TCF7L2: variants seen among roughly 807,000 people sequenced by gnomAD.
TCF7L2 encodes transcription factor 7 like 2.
A neutral mutation model predicts 77.9 loss-of-function variants in TCF7L2; 23 were observed. The observed-to-expected ratio is 0.30, with a 90% CI of 0.21 to 0.42. The LOEUF is 0.42. TCF7L2 is among the 10% of genes least tolerant of loss of function. The probability of loss-of-function intolerance (pLI) is 1.00; values close to 1 mark genes in which losing one functional copy is unlikely to be tolerated. For synonymous variants in TCF7L2, 413 were observed against 340.2 expected (o/e 1.21, Z -2.36); for missense variants, 654 against 793.1 (o/e 0.82, Z 2.11).
chr10:113,081,694 T>C (rs949944308), intron 5 of TCF7L2, among the ~76,000 whole-genome samples: 3 of 152,192 alleles, frequency 2.0e-5, no homozygotes, highest in South Asian at 2.1e-4. Flanking sequence ...TGAGGTCACA[T>C]TGAACCTCAT....
At chr10:113,164,453 C>T (rs543784402) in intron 13 of TCF7L2, among the ~76,000 whole-genome samples, 51 of 152,258 alleles carry the variant, frequency 3.3e-4, no homozygotes, top group African/African-American at 1.0e-3. Flanking sequence ...GTAGTCACTT[C>T]GGTGACCGGC....
rs367884505 is a variant in TCF7L2, at chr10:113,146,038, G to C, written c.816G>C (p.Thr272=). ...AAGGTCAACCAGTGTACCCAATCAC[G>C]ACAGGAGGATTCAGACACCCCTACC... Residue 272 remains threonine (T), a synonymous_variant, in exon 8 of 14, where the codon ACG becomes ACC. Coordinates refer to ENST00000627217, the MANE Select transcript of TCF7L2 (RefSeq NM_001146274.2). The C allele has an allele frequency of 1.9e-5, 28 of 1,456,834 alleles. No homozygotes were observed. In the East Asian group the frequency reaches 7.4e-4, roughly 39 times the overall value. 90.2% of individuals were successfully genotyped at this position (1,456,834 alleles called of 1,614,324 possible).
At position 113,166,243 on chromosome 10, in the gene TCF7L2, A is replaced by T. The variant is rs563095246; in HGVS notation, c.*271A>T. ...TTTAAAGTCTTTGTAGCGTTTAAAA[A>T]ATATATATATATACATAACTGTTAT... On this transcript the variant is annotated 3_prime_UTR_variant, in exon 14 of 14. Coordinates refer to ENST00000627217, the MANE Select transcript of TCF7L2 (RefSeq NM_001146274.2). The T allele has an allele frequency of 1.5e-3, 480 of 313,324 alleles. No homozygotes were observed. Among genetic ancestry groups the T allele is most frequent in the Non-Finnish European group, 2.1e-3 (357 of 173,452 alleles). The allele number at this position is 313,324 out of a possible 1,614,324, so 19.4% of individuals were successfully genotyped here.
chr10:112,998,021 TG>T (rs2043809435), intron 4 of TCF7L2, among the ~76,000 whole-genome samples: 2 of 151,884 alleles, frequency 1.3e-5, no homozygotes, highest in Admixed American at 1.3e-4. Context: ...TGGGGGTATA[TG>T]GTATCCCTGA....
At chr10:112,978,843 T>G (rs1265190652) in intron 4 of TCF7L2, among the ~76,000 whole-genome samples, 1 of 152,024 alleles carries the variant, frequency 6.6e-6, no homozygotes, top group East Asian at 1.9e-4. Flanking sequence ...ATATATATTT[T>G]TATTATACTT....
intron 5 of TCF7L2, among the ~76,000 whole-genome samples, chr10:113,052,436 CTG>C (rs2134600711): frequency 6.6e-6 from 1 of 152,338 alleles, no homozygotes; most frequent in East Asian, 1.9e-4. Flanking sequence ...GAGCCCCCTA[CTG>C]GATCTATCGG....
chr10:113,144,604 G>A (rs2068983064), intron 7 of TCF7L2, among the ~76,000 whole-genome samples: 1 of 152,158 alleles, frequency 6.6e-6, no homozygotes, highest in South Asian at 2.1e-4. Flanking sequence ...AGTTTTGTCT[G>A]TTGAGAAGCT....
intron 5 of TCF7L2, among the ~76,000 whole-genome samples, chr10:113,088,004 A>G (rs1016880706): frequency 6.6e-6 from 1 of 152,200 alleles, no homozygotes; most frequent in Non-Finnish European, 1.5e-5. Flanking sequence ...TAGTGAACGT[A>G]AAAACATACA....
At position 113,131,928 on chromosome 10, in the gene TCF7L2, A is replaced by G. The variant is rs1375108780; in HGVS notation, c.553-9256A>G. On this transcript the variant is annotated intron_variant, in intron 5 of 13. Transcript: ENST00000627217. ...CCTCGTTACCTTAAACTTGCAACAC[A>G]TCAGCTGGAGATCAGAGGGAGCAGC... is the stretch of plus-strand genomic sequence containing the variant. The G allele has an allele frequency of 2.0e-5, 3 of 152,280 alleles. No individual in the cohort carries two copies. In the South Asian group the frequency reaches 6.2e-4, roughly 32 times the overall value. The allele number at this position is 152,280 out of a possible 1,614,324, so 9.4% of individuals were successfully genotyped here. A position where few individuals can be genotyped will look rare whatever the true frequency, so the allele number is the denominator to read the frequency against.
chr10:112,967,358 A>G (rs533688581), intron 4 of TCF7L2, among the ~76,000 whole-genome samples: 3 of 152,322 alleles, frequency 2.0e-5, no homozygotes, highest in East Asian at 3.9e-4. Context: ...TGTGCATCAC[A>G]TTAGACTCAT....
At chr10:113,035,412 T>G (rs901229108) in intron 4 of TCF7L2, among the ~76,000 whole-genome samples, 3 of 152,224 alleles carry the variant, frequency 2.0e-5, no homozygotes, top group African/African-American at 7.2e-5. Context: ...TGCCACGTGC[T>G]TTTTTCTGGC....
chr10:113,004,689 C>CT (rs1400558416), intron 4 of TCF7L2, among the ~76,000 whole-genome samples: 2 of 148,352 alleles, frequency 1.3e-5, no homozygotes, highest in African/African-American at 5.0e-5. Context: ...TTTTTTTTTT[C>CT]TTTTGAGATG....
In TCF7L2 at chr10:113,157,793, C is replaced by T. The variant is rs1409662357; in HGVS notation, c.1270-228C>T. On this transcript the variant is annotated intron_variant, in intron 11 of 13. Coordinates refer to ENST00000627217, the MANE Select transcript of TCF7L2 (RefSeq NM_001146274.2). ...GAAATGAGAGCTTCCCTTCACCACC[C>T]GCCAATCCCTTCTCTGCTCCCAAGA... is the stretch of plus-strand genomic sequence containing the variant. 4.9e-5 allele frequency: 24 copies of T among 490,814 alleles called. 1 individual carries two copies. Among genetic ancestry groups the T allele is most frequent in the Middle Eastern group, 5.6e-4 (1 of 1,776 alleles). The allele number at this position is 490,814 out of a possible 1,614,324, so 30.4% of individuals were successfully genotyped here. A position where few individuals can be genotyped will look rare whatever the true frequency, so the allele number is the denominator to read the frequency against.
intron 4 of TCF7L2, among the ~76,000 whole-genome samples, chr10:113,020,741 C>G (rs2048147067): frequency 1.3e-5 from 2 of 151,980 alleles, no homozygotes; most frequent in Admixed American, 1.3e-4. Context: ...ATGCGTTAAC[C>G]AGGGCTTGTT....
intron 5 of TCF7L2, among the ~76,000 whole-genome samples, chr10:113,099,503 T>G (rs1206020656): frequency 6.6e-5 from 10 of 152,184 alleles, no homozygotes; most frequent in Non-Finnish European, 1.5e-4. Context: ...AGCTGCTACA[T>G]GCACGGGAAG....
At chr10:113,107,537 A>G (rs1012490676) in intron 5 of TCF7L2, among the ~76,000 whole-genome samples, 2 of 151,788 alleles carry the variant, frequency 1.3e-5, no homozygotes, top group African/African-American at 2.4e-5. Flanking sequence ...AGGTCAGGAA[A>G]TCGAGACCAT....
At chr10:113,094,624 C>G (rs4639863) in intron 5 of TCF7L2, among the ~76,000 whole-genome samples, 1 of 152,110 alleles carries the variant, frequency 6.6e-6, no homozygotes, top group African/African-American at 2.4e-5. Context: ...AATACTTCCT[C>G]TCAGTCTTTT....
At chr10:112,952,408 A>C (rs2031993091) in intron 3 of TCF7L2, among the ~76,000 whole-genome samples, 1 of 151,980 alleles carries the variant, frequency 6.6e-6, no homozygotes. Flanking sequence ...TGCCCGGCGC[A>C]CTGGCTGCGG....
chr10:113,129,942 T>C, intron 5 of TCF7L2: 1 of 1,293,620 alleles, frequency 7.7e-7, no homozygotes, highest in African/African-American at 1.5e-5. Flanking sequence ...CCGGGGTCTC[T>C]CTGTTCCAGC....
Sources: gnomAD v4.1 joint callset for allele counts (sites outside exome capture counted in the v4.1 genomes callset) on GRCh38, gnomAD v4.1.1 for gene constraint, MANE v1.5 for transcripts, NCBI Gene and HGNC (gene_info 2026-07-23, HGNC 2026-07-21) for gene names.